The following STARD6 variants were observed in gnomAD, a reference collection of about 807,000 sequenced individuals.
STARD6 encodes stAR-related lipid transfer protein 6.
Under a neutral mutation model 22.3 loss-of-function variants are expected in STARD6, and 21 were observed. That is an observed-to-expected ratio of 0.94 (90% CI 0.67 to 1.35). The LOEUF is 1.35. STARD6 is among the 40% of genes most tolerant of loss of function. STARD6 has a pLI of 0.00. For synonymous variants in STARD6, 80 were observed against 88.1 expected (o/e 0.91, Z 0.52); for missense variants, 269 against 266.9 (o/e 1.01, Z -0.05).
At chr18:54,330,731 C>G (rs1396888843) in intron 6 of STARD6, among the ~76,000 whole-genome samples, 1 of 151,942 alleles carries the variant, frequency 6.6e-6, no homozygotes, top group African/African-American at 2.4e-5. Flanking sequence ...TGATTTTAAC[C>G]TCTACTTCTT....
chr18:54,349,195 T>C (rs2089068678), intron 4 of STARD6, among the ~76,000 whole-genome samples: 1 of 152,176 alleles, frequency 6.6e-6, no homozygotes, highest in African/African-American at 2.4e-5. Context: ...AACAATGTAG[T>C]AAATAGAGGT....
intron 7 of STARD6, 73 bp from the exon 8 acceptor site, chr18:54,324,948 A>G: frequency 1.6e-6 from 2 of 1,252,658 alleles, no homozygotes; most frequent in Non-Finnish European, 2.1e-6. Context: ...AGGTTTTTGG[A>G]GAGCAGGATT....
Position 54,324,836 on chromosome 18 carries a change from T to A in STARD6, c.519A>T (p.Thr173=). Residue 173 remains threonine (T), a synonymous_variant, in exon 8 of 8, where the codon ACA becomes ACT. Transcript: ENST00000307844. ...ATGGGGACAATTTTCCTCTCATTTC[T>A]GTCTGGACAAACATCACTAGTTTGG... The part of the protein sequence containing the change: ...AYSKLVMFVQ[T]EMRGKLSPSI... 1 of 1,601,632 alleles carries A rather than the reference T, an allele frequency of 6.2e-7. No homozygotes were observed. Among genetic ancestry groups the A allele is most frequent in the Non-Finnish European group, 8.5e-7 (1 of 1,175,610 alleles).
chr18:54,352,401 C>G (rs2089106357), intron 4 of STARD6, among the ~76,000 whole-genome samples: 1 of 152,086 alleles, frequency 6.6e-6, no homozygotes. Context: ...AGCCTGTGGT[C>G]CCAGCTACTT....
intron 4 of STARD6, among the ~76,000 whole-genome samples, chr18:54,349,625 C>T (rs914315914): frequency 6.6e-6 from 1 of 152,008 alleles, no homozygotes; most frequent in African/African-American, 2.4e-5. Flanking sequence ...TACACTGTAC[C>T]CAATGTGTAG....
At chr18:54,352,305 A>G (rs763064158) in intron 4 of STARD6, among the ~76,000 whole-genome samples, 2 of 151,816 alleles carry the variant, frequency 1.3e-5, no homozygotes, top group Non-Finnish European at 2.9e-5. Context: ...CTCCCATTTC[A>G]TTGCTAATTG....
intron 3 of STARD6, 171 bp downstream of exon 3, chr18:54,354,313 C>G (rs2089124052): frequency 1.5e-6 from 1 of 664,292 alleles, no homozygotes; most frequent in Non-Finnish European, 2.6e-6. Flanking sequence ...ATGACAGCCT[C>G]AAACTCCTGT....
intron 4 of STARD6, among the ~76,000 whole-genome samples, chr18:54,351,184 G>T (rs2089092733): frequency 6.6e-6 from 1 of 152,082 alleles, no homozygotes; most frequent in Admixed American, 6.6e-5. Context: ...CCCTTGTAGA[G>T]ATCTCTCACC....
At chr18:54,344,570 T>TAAAA (rs1219611393) in intron 4 of STARD6, among the ~76,000 whole-genome samples, 1 of 26,452 alleles carries the variant, frequency 3.8e-5, no homozygotes, top group African/African-American at 2.1e-4. Flanking sequence ...GAATTATCAA[T>TAAAA]AAAAAAATAA....
intron 7 of STARD6, among the ~76,000 whole-genome samples, chr18:54,326,729 A>G (rs567956835): frequency 2.8e-4 from 42 of 151,170 alleles, no homozygotes; most frequent in Middle Eastern, 3.4e-3. Flanking sequence ...AAAATAAAAA[A>G]TATTTTTATA....
chr18:54,332,804 C>A (rs2088875999), intron 5 of STARD6, among the ~76,000 whole-genome samples: 2 of 152,112 alleles, frequency 1.3e-5, no homozygotes, highest in Non-Finnish European at 2.9e-5. Context: ...ACTTGGGAGG[C>A]TGAAGTAGGA....
In STARD6 at chr18:54,324,594, G is replaced by T; in HGVS notation, c.*98C>A. Reference sequence around the variant, plus strand: ...GTGTACAAGAATACTGTCTAGAATAGTTTAACAGTATTATTTATGTGCGTT... The same window carrying T: ...GTGTACAAGAATACTGTCTAGAATATTTTAACAGTATTATTTATGTGCGTT... On this transcript the variant is annotated 3_prime_UTR_variant, in exon 8 of 8. Coordinates refer to ENST00000307844, the MANE Select transcript of STARD6 (RefSeq NM_139171.2). 1.7e-6 allele frequency: 2 copies of T among 1,179,538 alleles called. No homozygotes were observed. Among genetic ancestry groups the T allele is most frequent in the Non-Finnish European group, 1.2e-6 (1 of 824,704 alleles). The allele number at this position is 1,179,538 out of a possible 1,614,324, so 73.1% of individuals were successfully genotyped here.
At chr18:54,340,959 T>C (rs1459501192) in intron 4 of STARD6, among the ~76,000 whole-genome samples, 1 of 152,206 alleles carries the variant, frequency 6.6e-6, no homozygotes, top group Non-Finnish European at 1.5e-5. Flanking sequence ...CGTATATTCA[T>C]CTAATGATAG....
At chr18:54,336,366 G>C (rs941638297) in intron 5 of STARD6, among the ~76,000 whole-genome samples, 1 of 152,120 alleles carries the variant, frequency 6.6e-6, no homozygotes, top group African/African-American at 2.4e-5. Context: ...TGGATCATGG[G>C]GGTGGTTTCC....
chr18:54,344,583 T>TAA (rs55736082), intron 4 of STARD6, among the ~76,000 whole-genome samples: 36,055 of 93,682 alleles, frequency 0.38, 6,939 homozygotes, highest in East Asian at 0.59. Flanking sequence ...AAAAATAAAT[T>TAA]AAAAAAAAAA....
At chr18:54,351,899 GTTTTTTT>G (rs60888927) in intron 4 of STARD6, among the ~76,000 whole-genome samples, 4 of 70,660 alleles carry the variant, frequency 5.7e-5, no homozygotes, top group Admixed American at 1.5e-4. Flanking sequence ...ATATTGGTCC[GTTTTTTT>G]TTTTTTTTTT....
At chr18:54,325,175 C>T (rs1179309702) in intron 7 of STARD6, among the ~76,000 whole-genome samples, 2 of 151,912 alleles carry the variant, frequency 1.3e-5, no homozygotes, top group Non-Finnish European at 2.9e-5. Flanking sequence ...TTCCCTTATC[C>T]TGTTTCCCAG....
chr18:54,342,572 C>A (rs2088982682), intron 4 of STARD6, among the ~76,000 whole-genome samples: 1 of 135,848 alleles, frequency 7.4e-6, no homozygotes, highest in Non-Finnish European at 1.6e-5. Flanking sequence ...AACCTCCCTG[C>A]CTGATTCTCC....
rs979348781 is a variant in STARD6 at position 54,357,803 on chromosome 18, G to A, written c.-100C>T. On this transcript the variant is annotated 5_prime_UTR_variant, in exon 1 of 8. Coordinates refer to ENST00000307844, the MANE Select transcript of STARD6 (RefSeq NM_139171.2). The stretch of plus-strand genomic sequence containing the variant: ...GGGAGAAACAGCACCTTCCAGCAGG[G>A]GTCGCGACCTAACGCTCAACAGCAT... 1 of 152,594 alleles carries A rather than the reference G, an allele frequency of 6.6e-6. No individual in the cohort carries two copies. Among genetic ancestry groups the A allele is most frequent in the Non-Finnish European group, 1.5e-5 (1 of 68,446 alleles). The allele number at this position is 152,594 out of a possible 1,614,324, so 9.5% of individuals were successfully genotyped here. A position where few individuals can be genotyped will look rare whatever the true frequency, so the allele number is the denominator to read the frequency against.
Sources: gnomAD v4.1 joint callset for allele counts (sites outside exome capture counted in the v4.1 genomes callset) on GRCh38, gnomAD v4.1.1 for gene constraint, MANE v1.5 for transcripts, NCBI Gene and HGNC (gene_info 2026-07-23, HGNC 2026-07-21) for gene names.